The following MTRF1L variants were observed in gnomAD, a reference collection of about 807,000 sequenced individuals.
The protein encoded by MTRF1L is mitochondrial translation release factor 1 like.
A neutral mutation model predicts 40.0 loss-of-function variants in MTRF1L; 29 were observed. The observed-to-expected ratio is 0.73, with a 90% confidence interval of 0.54 to 0.99. The LOEUF (loss-of-function observed/expected upper bound fraction) is 0.99. MTRF1L is among the 50% of genes least tolerant of loss of function. The probability of loss-of-function intolerance (pLI) is 0.00; values close to 1 mark genes in which losing one functional copy is unlikely to be tolerated. For missense variants in MTRF1L, 412 were observed against 464.5 expected (o/e 0.89, Z 1.04); for synonymous variants, 150 against 175.8 (o/e 0.85, Z 1.16).
At chr6:152,995,037 A>G in intron 3 of MTRF1L, 99 bp downstream of exon 3, 1 of 1,102,756 alleles carries the variant, frequency 9.1e-7, no homozygotes, top group Non-Finnish European at 1.3e-6. Flanking sequence ...GCATAAAACT[A>G]CATAAGCATC....
chr6:152,990,183 A>G, intron 6 of MTRF1L, 88 bp from the exon 7 acceptor site: 2 of 1,508,624 alleles, frequency 1.3e-6, no homozygotes, highest in Non-Finnish European at 1.8e-6. Context: ...TAAGTTCTTG[A>G]TTTATAACAT....
At chr6:153,000,005 G>A (rs1232995526) in intron 1 of MTRF1L, among the ~76,000 whole-genome samples, 2 of 152,242 alleles carry the variant, frequency 1.3e-5, no homozygotes, top group Non-Finnish European at 2.9e-5. Flanking sequence ...AGTACAGGAA[G>A]CACTGCTGAA....
At chr6:152,996,619 A>C (rs976797038) in intron 2 of MTRF1L, among the ~76,000 whole-genome samples, 1 of 152,084 alleles carries the variant, frequency 6.6e-6, no homozygotes, top group African/African-American at 2.4e-5. Flanking sequence ...ATATTCTTTC[A>C]CTTATCCCCA....
intron 1 of MTRF1L, among the ~76,000 whole-genome samples, chr6:153,001,201 A>G (rs1217817035): frequency 1.3e-5 from 2 of 152,048 alleles, no homozygotes; most frequent in African/African-American, 2.4e-5. Flanking sequence ...GAAATTTTCT[A>G]TTGGCTTCTA....
At chr6:152,998,444 T>C in intron 2 of MTRF1L, 106 bp downstream of exon 2, 1 of 787,690 alleles carries the variant, frequency 1.3e-6, no homozygotes, top group Non-Finnish European at 1.8e-6. Flanking sequence ...AAAAACCCAG[T>C]TTATTCTAAA....
intron 2 of MTRF1L, among the ~76,000 whole-genome samples, chr6:152,996,718 A>G (rs1349596105): frequency 4.6e-5 from 7 of 152,308 alleles, no homozygotes; most frequent in South Asian, 2.1e-4. Context: ...CATTAACTCT[A>G]TATGTTCTGT....
chr6:152,991,463 C>G, intron 5 of MTRF1L, 142 bp from the exon 6 acceptor site: 9 of 989,364 alleles, frequency 9.1e-6, no homozygotes, highest in Non-Finnish European at 8.4e-6. Context: ...AAGGGAGAGA[C>G]TATAAGCTTA....
At chr6:152,992,380 C>A (rs1013983331) in intron 5 of MTRF1L, among the ~76,000 whole-genome samples, 11 of 152,180 alleles carry the variant, frequency 7.2e-5, no homozygotes, top group Non-Finnish European at 1.6e-4. Context: ...TGTGAATGAA[C>A]TTAATGGAAA....
chr6:152,993,756 G>A (rs1432986946), intron 4 of MTRF1L, among the ~76,000 whole-genome samples: 3 of 152,128 alleles, frequency 2.0e-5, no homozygotes, highest in Non-Finnish European at 2.9e-5. Flanking sequence ...TGTGGCTCTT[G>A]CCATTTATTC....
intron 6 of MTRF1L, 103 bp from the exon 7 acceptor site, chr6:152,990,198 C>CA (rs3215595): frequency 0.2 from 285,642 of 1,454,820 alleles, 29,315 homozygotes; most frequent in Admixed American, 0.32. Flanking sequence ...TAACATGAAT[C>CA]AAATGCGAGA....
Position 152,998,534 on chromosome 6 carries a change from T to C in MTRF1L, c.339+16A>G, listed in dbSNP as rs774476216. 61 of 1,544,940 alleles carry C rather than the reference T, an allele frequency of 3.9e-5. No homozygotes were observed. The highest frequency in any genetic ancestry group is 5.1e-5 in the Non-Finnish European group (59 of 1,145,804). On this transcript the variant is annotated intron_variant, in intron 2 of 6. Coordinates refer to ENST00000367233, the MANE Select transcript of MTRF1L (RefSeq NM_019041.7). ...AGAATAGCACAAATGCTTTATTCTTTGCAGAAATACCATACCTGATGCTTC... is the reference window on the plus strand; with the variant it reads ...AGAATAGCACAAATGCTTTATTCTTCGCAGAAATACCATACCTGATGCTTC...
chr6:153,001,418 CAT>C (rs1202921556), intron 1 of MTRF1L, among the ~76,000 whole-genome samples: 3 of 152,210 alleles, frequency 2.0e-5, no homozygotes, highest in Non-Finnish European at 2.9e-5. Flanking sequence ...CGAGAGCTCT[CAT>C]ATGATTATTT....
intron 5 of MTRF1L, chr6:152,991,543 T>G (rs1184855231): frequency 1.8e-5 from 7 of 381,776 alleles, no homozygotes; most frequent in East Asian, 6.4e-5. Context: ...CACAAAGTCT[T>G]TCTTTCTTTC....
At position 153,001,435 on chromosome 6, in the gene MTRF1L, T is replaced by C. The variant is rs147653944; in HGVS notation, c.259+992A>G. Among the ~76,000 whole-genome samples the C allele has an allele frequency of 3.5e-3, 529 of 152,326 alleles. 5 individuals are homozygous for C. Among genetic ancestry groups the C allele is most frequent in the Middle Eastern group, 0.02 (6 of 294 alleles). Reference sequence around the variant, plus strand: ...AGAGCTCTCATATGATTATTTGGGCTCAATTTTTCTCCTATGTCAGTAATT... The same window carrying C: ...AGAGCTCTCATATGATTATTTGGGCCCAATTTTTCTCCTATGTCAGTAATT... On this transcript the variant is annotated intron_variant, in intron 1 of 6. Transcript: ENST00000367233.
Position 152,987,510 on chromosome 6 carries a change from C to T in MTRF1L, c.*2385G>A, listed in dbSNP as rs1778377839. 1 of 152,188 alleles carries T rather than the reference C, an allele frequency of 6.6e-6. No individual in the cohort carries two copies. Among genetic ancestry groups the T allele is most frequent in the African/African-American group, 2.4e-5 (1 of 41,432 alleles). 9.4% of individuals were successfully genotyped at this position (152,188 alleles called of 1,614,324 possible). A position where few individuals can be genotyped will look rare whatever the true frequency, so the allele number is the denominator to read the frequency against. ...CTTATTTGTAACCAGAATTAGACAG[C>T]AAATCGGATGCAGGGGAGAAGTCAG... On this transcript the variant is annotated 3_prime_UTR_variant, in exon 7 of 7. Coordinates refer to ENST00000367233, the MANE Select transcript of MTRF1L (RefSeq NM_019041.7).
At chr6:152,991,354 A>G (rs1778509188) in intron 5 of MTRF1L, 33 bp from the exon 6 acceptor site, 1 of 1,538,290 alleles carries the variant, frequency 6.5e-7, no homozygotes, top group Non-Finnish European at 8.8e-7. Context: ...AAAAGTTTTA[A>G]TAAAAAAATC....
intron 1 of MTRF1L, among the ~76,000 whole-genome samples, chr6:153,000,515 A>G (rs1010075145): frequency 2.0e-5 from 3 of 152,178 alleles, no homozygotes; most frequent in Admixed American, 2.0e-4. Flanking sequence ...TTTCTCTTGA[A>G]TATTATAAAT....
At chr6:152,997,362 T>G (rs1178722036) in intron 2 of MTRF1L, among the ~76,000 whole-genome samples, 1 of 152,190 alleles carries the variant, frequency 6.6e-6, no homozygotes, top group Non-Finnish European at 1.5e-5. Context: ...GAGCAAACTT[T>G]CCACTGGATG....
chr6:152,992,301 C>A (rs182418712), intron 5 of MTRF1L, among the ~76,000 whole-genome samples: 160 of 152,302 alleles, frequency 1.1e-3, no homozygotes, highest in Admixed American at 1.8e-3. Flanking sequence ...TTAGTTCGAG[C>A]TACAGTATAC....
Sources: gnomAD v4.1 joint callset for allele counts (sites outside exome capture counted in the v4.1 genomes callset) on GRCh38, gnomAD v4.1.1 for gene constraint, MANE v1.5 for transcripts, NCBI Gene and HGNC (gene_info 2026-07-23, HGNC 2026-07-21) for gene names.